Variants in SCLT1 observed in about 807,000 individuals in gnomAD.
SCLT1 encodes sodium channel-associated protein 1.
A neutral mutation model predicts 112.8 loss-of-function variants in SCLT1; 78 were observed. The ratio of observed to expected loss-of-function variants is 0.69; its 90% CI spans 0.58 to 0.83. The LOEUF (loss-of-function observed/expected upper bound fraction) is 0.83, where lower values mean the gene tolerates loss of function less well. Among genes scored for constraint, SCLT1 ranks in the 40% least tolerant of loss-of-function variants. SCLT1 has a pLI of 0.00. For missense variants in SCLT1, 747 were observed against 770.4 expected (o/e 0.97, Z 0.36); for synonymous variants, 257 against 254.7 (o/e 1.01, Z -0.09).
At chr4:128,940,124 G>A (rs62317931) in intron 17 of SCLT1, among the ~76,000 whole-genome samples, 1 of 151,596 alleles carries the variant, frequency 6.6e-6, no homozygotes, top group Admixed American at 6.6e-5. Flanking sequence ...CGGATCTAGT[G>A]GAGTACTAGA....
intron 16 of SCLT1, chr4:128,944,493 A>G (rs1021587936): frequency 1.3e-5 from 2 of 152,176 alleles, no homozygotes; most frequent in Non-Finnish European, 2.9e-5. Flanking sequence ...ACAGGCATGT[A>G]GTGGAGGAAA....
chr4:129,053,438 G>A (rs1007356479), intron 2 of SCLT1, among the ~76,000 whole-genome samples: 1 of 151,962 alleles, frequency 6.6e-6, no homozygotes, highest in African/African-American at 2.4e-5. Flanking sequence ...ATATATTTAG[G>A]ATAGTCAGCA....
At chr4:128,882,047 G>C (rs1031932482), downstream of SCLT1, among the ~76,000 whole-genome samples, 2 of 152,026 alleles carry the variant, frequency 1.3e-5, no homozygotes, top group Non-Finnish European at 2.9e-5. Context: ...ATTTTACCTT[G>C]AAAAAATGTG....
chr4:129,035,437 C>A (rs1018552411), intron 5 of SCLT1, among the ~76,000 whole-genome samples: 2 of 152,050 alleles, frequency 1.3e-5, no homozygotes, highest in Non-Finnish European at 2.9e-5. Flanking sequence ...GACATAAAAA[C>A]TGGTTTAGGT....
chr4:129,089,833 G>A (rs1298058905), intron 1 of SCLT1, among the ~76,000 whole-genome samples: 1 of 151,308 alleles, frequency 6.6e-6, no homozygotes, highest in Non-Finnish European at 1.5e-5. Flanking sequence ...TGGACACAGG[G>A]AGGGGAACAC....
Position 128,957,118 on chromosome 4 carries a change from G to A in SCLT1, c.1054C>T (p.Leu352Phe), listed in dbSNP as rs1247622732. ...TCTTCTTCTTTTTGCTTCTCCTCAA[G>A]TAGAGCCTTCAGAAAATAATCATTT... Reference protein sequence around the residue: ...EANLQKSQALLEEKQKEEDIE... With the variant: ...EANLQKSQALFEEKQKEEDIE... The change falls in exon 13 of 21, where the codon CTT becomes TTT. Residue 352 changes from leucine (L) to phenylalanine (F), a missense_variant. Leu to Phe is a conservative substitution (Grantham distance 22, BLOSUM62 0). This residue lies in a region of SCLT1 where 723 missense variants were observed against 721.3 expected (regional missense o/e 1.00). Transcript: ENST00000281142. 3 of 1,558,022 alleles carry A rather than the reference G, an allele frequency of 1.9e-6. No individual in the cohort carries two copies. The highest frequency in any genetic ancestry group is 2.6e-6 in the Non-Finnish European group (3 of 1,140,776).
At chr4:129,068,787 G>T (rs1750723310) in intron 2 of SCLT1, among the ~76,000 whole-genome samples, 1 of 152,010 alleles carries the variant, frequency 6.6e-6, no homozygotes, top group Non-Finnish European at 1.5e-5. Context: ...TTAGATCCCA[G>T]CTATTTATCT....
chr4:129,020,112 G>T (rs1745334967), intron 5 of SCLT1, among the ~76,000 whole-genome samples: 1 of 152,106 alleles, frequency 6.6e-6, no homozygotes, highest in African/African-American at 2.4e-5. Context: ...ATATTACATG[G>T]CCTGAATGTA....
In SCLT1 at chr4:129,093,083, A is replaced by G. The variant is rs145582790; in HGVS notation, c.21T>C (p.Phe7=). Residue 7 remains phenylalanine, a synonymous_variant, in exon 1 of 21, where the codon TTT becomes TTC. Coordinates refer to ENST00000281142, the MANE Select transcript of SCLT1 (RefSeq NM_144643.4). The part of the protein sequence containing the change: MAAEID[F]LREQNRRLNE... Reference sequence around the variant, plus strand: ...CATGGAGCTTACTTTGCTCTCTCAGAAAGTCGATTTCTGCAGCCATTTCGA... The same window carrying G: ...CATGGAGCTTACTTTGCTCTCTCAGGAAGTCGATTTCTGCAGCCATTTCGA... 9.9e-6 allele frequency: 16 copies of G among 1,612,772 alleles called. No homozygotes were observed. The highest frequency in any genetic ancestry group is 1.3e-5 in the Non-Finnish European group (15 of 1,178,680).
chr4:128,929,540 C>T (rs1161498304), intron 18 of SCLT1, among the ~76,000 whole-genome samples: 1 of 152,094 alleles, frequency 6.6e-6, no homozygotes, highest in East Asian at 1.9e-4. Flanking sequence ...AGAGAAATGG[C>T]TGTAATTAGG....
chr4:128,998,039 A>C (rs1743159263), intron 7 of SCLT1, 100 bp from the exon 8 acceptor site: 6 of 482,446 alleles, frequency 1.2e-5, no homozygotes, highest in Non-Finnish European at 1.8e-5. Context: ...ATTATGCCTA[A>C]GTTTAGATAA....
chr4:128,941,708 G>GT (rs1191712095), intron 17 of SCLT1, among the ~76,000 whole-genome samples: 7 of 151,884 alleles, frequency 4.6e-5, no homozygotes, highest in South Asian at 2.1e-4. Flanking sequence ...CATGGTTAGT[G>GT]TTTTTTTGTG....
At chr4:129,061,537 A>G (rs1008260290) in intron 2 of SCLT1, among the ~76,000 whole-genome samples, 1 of 152,080 alleles carries the variant, frequency 6.6e-6, no homozygotes, top group African/African-American at 2.4e-5. Context: ...TCTAAACACC[A>G]TTTTGCTAGA....
chr4:129,086,313 GTATATATATA>G (rs5861875), intron 1 of SCLT1, among the ~76,000 whole-genome samples: 16 of 149,896 alleles, frequency 1.1e-4, no homozygotes, highest in Admixed American at 2.0e-4. Flanking sequence ...GTGTATGTAT[GTATATATATA>G]TATATATATA....
At chr4:128,945,937 G>A in intron 16 of SCLT1, 70 bp downstream of exon 16, 1 of 1,026,250 alleles carries the variant, frequency 9.7e-7, no homozygotes, top group Non-Finnish European at 1.4e-6. Flanking sequence ...AAAAGAAAAG[G>A]TAGCGAATCT....
intron 13 of SCLT1, among the ~76,000 whole-genome samples, chr4:128,956,456 G>A (rs1320904740): frequency 6.6e-6 from 1 of 151,924 alleles, no homozygotes; most frequent in Non-Finnish European, 1.5e-5. Context: ...GGTTTACTTT[G>A]GACTCTGCCT....
intron 2 of SCLT1, among the ~76,000 whole-genome samples, chr4:129,047,509 A>T (rs1203431315): frequency 1.3e-5 from 2 of 151,964 alleles, no homozygotes; most frequent in Non-Finnish European, 2.9e-5. Flanking sequence ...GTCCCTTTTC[A>T]TATAAATTTT....
At chr4:129,023,058 T>G in intron 5 of SCLT1, among the ~76,000 whole-genome samples, 1 of 152,072 alleles carries the variant, frequency 6.6e-6, no homozygotes, top group East Asian at 1.9e-4. Context: ...GCTTCACAAA[T>G]GAAGGGGAAA....
intron 5 of SCLT1, among the ~76,000 whole-genome samples, chr4:129,023,954 G>T (rs1745749490): frequency 6.6e-6 from 1 of 152,214 alleles, no homozygotes; most frequent in Admixed American, 6.5e-5. Context: ...GCAGTATTGA[G>T]ATCAAACTGC....
Sources: allele counts gnomAD v4.1 joint callset (sites outside exome capture counted in the v4.1 genomes callset), GRCh38; gene constraint gnomAD v4.1.1; regional missense constraint gnomAD v4.1.1; transcripts MANE v1.5; gene names NCBI Gene and HGNC (gene_info 2026-07-23, HGNC 2026-07-21).